Variants in MCM2 observed in about 807,000 individuals in gnomAD.
MCM2 encodes the protein DNA replication licensing factor MCM2.
A neutral mutation model predicts 86.4 loss-of-function variants in MCM2; 49 were observed. The observed-to-expected ratio is 0.57, with a 90% CI of 0.45 to 0.72. MCM2 has a LOEUF of 0.72. Ranked by LOEUF, MCM2 falls within the 30% of genes least tolerant of loss-of-function variation. MCM2 has a pLI of 0.00. For missense variants in MCM2, 1,038 were observed against 1,259.9 expected, an observed-to-expected ratio of 0.82 and a Z score of 2.67; for synonymous variants, 475 against 484.6, an observed-to-expected ratio of 0.98 and a Z score of 0.26.
At chr3:127,598,493 C>T in intron 1 of MCM2, 21 bp downstream of exon 1, 1 of 1,611,708 alleles carries the variant, frequency 6.2e-7, no homozygotes, top group Non-Finnish European at 8.5e-7. Context: ...TGGCGCGTGG[C>T]GGGCGGGCGC....
chr3:127,599,619 CT>C, intron 2 of MCM2, 72 bp downstream of exon 2: 1 of 1,389,240 alleles, frequency 7.2e-7, no homozygotes, highest in Non-Finnish European at 9.8e-7. Context: ...GGTGGCCTGG[CT>C]TTGGGAGCTG....
intron 3 of MCM2, 26 bp downstream of exon 3, chr3:127,604,809 A>T: frequency 1.3e-6 from 2 of 1,573,568 alleles, no homozygotes; most frequent in Admixed American, 3.8e-5. Context: ...TGCCTGCCCG[A>T]GGGACTGGGA....
chr3:127,612,548 C>T (rs1559865042), intron 8 of MCM2, among the ~76,000 whole-genome samples: 3 of 152,334 alleles, frequency 2.0e-5, no homozygotes, highest in Non-Finnish European at 4.4e-5. Flanking sequence ...ACTATTTGTA[C>T]AAAAACTGGA....
chr3:127,613,867 C>T (rs1437103245), intron 8 of MCM2, among the ~76,000 whole-genome samples: 2 of 152,132 alleles, frequency 1.3e-5, no homozygotes, highest in African/African-American at 4.8e-5. Context: ...CTGGTGAGGG[C>T]CTTCTTGCCA....
In MCM2 at chr3:127,619,030, G is replaced by T; in HGVS notation, c.2017G>T (p.Glu673Ter). The T allele has an allele frequency of 6.3e-7, 1 of 1,595,146 alleles. No homozygotes were observed. The highest frequency in any genetic ancestry group is 2.3e-5 in the East Asian group (1 of 44,290). The change falls in exon 13 of 16, where the codon GAG (glutamate) becomes TAG (stop). Residue 673 changes from glutamate to a stop codon, truncating the protein, a stop_gained. Transcript: ENST00000265056. LOFTEE classifies it high-confidence loss of function. ...VRDTVDPVQDEMLARFVVGSH... is the reference protein window; with the variant it reads ...VRDTVDPVQD ...ACCCTCTCATGGCTTATCTTAGGAC[G>T]AGATGCTGGCCCGCTTCGTGGTGGG...
chr3:127,603,110 C>T (rs1433281931), intron 2 of MCM2, among the ~76,000 whole-genome samples: 1 of 151,230 alleles, frequency 6.6e-6, no homozygotes, highest in East Asian at 1.9e-4. Context: ...AAGTGATTCT[C>T]CTGCCTCAGC....
In MCM2 at chr3:127,618,218, GTCTCT is replaced by G. The variant is rs17538691; in HGVS notation, c.2013+142_2013+146del. ...GCTGTTTTCTAGTCCTGTTCCCTCGGTCTCTTCTCATGTCCAGAAGTCGCCCTGAT... is the reference window on the plus strand; with the variant it reads ...GCTGTTTTCTAGTCCTGTTCCCTCGGTCTCATGTCCAGAAGTCGCCCTGAT... On this transcript the variant is annotated intron_variant, in intron 12 of 15. Coordinates refer to ENST00000265056, the MANE Select transcript of MCM2 (RefSeq NM_004526.4). The surrounding 1 kb of genome is among the most constrained non-coding windows in gnomAD (Gnocchi z 4.0). 18,778 of 688,380 alleles carry G rather than the reference GTCTCT, an allele frequency of 0.027. 427 individuals are homozygous for G. Among genetic ancestry groups the G allele is most frequent in the Non-Finnish European group, 0.032 (12,114 of 383,980 alleles). 42.6% of individuals were successfully genotyped at this position (688,380 alleles called of 1,614,324 possible).
At position 127,608,907 on chromosome 3, in the gene MCM2, G is replaced by A. The variant is rs796922472; in HGVS notation, c.1312G>A (p.Val438Ile). Residue 438 changes from valine to isoleucine, a missense_variant, in exon 8 of 16, where the codon GTC (valine) becomes ATC (isoleucine). By Grantham distance (29) the Val-to-Ile change is conservative. Transcript: ENST00000265056. ...CAATGGCTTCCCTGTCTTTGCCACT[G>A]TCATCCTAGCCAACCACGTGGCCAA... Reference protein sequence around the residue: ...TANGFPVFATVILANHVAKKD... With the variant: ...TANGFPVFATIILANHVAKKD... 2.5e-6 allele frequency: 4 copies of A among 1,614,196 alleles called. No homozygotes were observed. Among genetic ancestry groups the A allele is most frequent in the Middle Eastern group, 1.6e-4 (1 of 6,062 alleles).
intron 1 of MCM2, 25 bp downstream of exon 1, chr3:127,598,497 C>T: frequency 6.2e-7 from 1 of 1,611,278 alleles, no homozygotes; most frequent in Non-Finnish European, 8.5e-7. Context: ...GCGTGGCGGG[C>T]GGGCGCCGGG....
rs781532824 is a variant in MCM2, at chr3:127,620,678, G to A, written c.2266-20G>A. The A allele has an allele frequency of 6.4e-7, 1 of 1,568,614 alleles. No individual in the cohort carries two copies. On this transcript the variant is annotated intron_variant, in intron 13 of 15. Coordinates refer to ENST00000265056, the MANE Select transcript of MCM2 (RefSeq NM_004526.4). ...TCTCTTTCCTGCCCGTGAAAGACCT[G>A]ACACTGTGCTTCTCTCCAGGCGACA...
chr3:127,606,745 G>C lies in MCM2; in HGVS notation c.1029G>C (p.Gln343His). 6.2e-7 allele frequency: 1 copy of C among 1,614,240 alleles called. No homozygotes were observed. The highest frequency in any genetic ancestry group is 8.5e-7 in the Non-Finnish European group (1 of 1,180,046). ...TCCTGGGTCCTTTCTGCCAGTCCCAGAACCAGGAGGTGAAACCAGGCTCCT... is the reference window on the plus strand; with the variant it reads ...TCCTGGGTCCTTTCTGCCAGTCCCACAACCAGGAGGTGAAACCAGGCTCCT... ...NFVLGPFCQS[Q>H]NQEVKPGSCP... Residue 343 changes from glutamine (Q) to histidine (H), a missense_variant, in exon 6 of 16, where the codon CAG becomes CAC. By Grantham distance (24) the Gln-to-His change is conservative. Around this residue, in one of 4 missense-constraint regions of MCM2, gnomAD observed 399 missense variants for 507.2 expected, o/e 0.79. Coordinates refer to ENST00000265056, the MANE Select transcript of MCM2 (RefSeq NM_004526.4). The surrounding 1 kb of genome is among the most constrained non-coding windows in gnomAD (Gnocchi z 4.2).
rs772077807 is a variant in MCM2 at position 127,606,017 on chromosome 3, A to G, written c.674-101A>G. ...AGCTGGGCTTTCTAGGTCAAAATCA[A>G]TGGTCGGGGTGGGTAGGCCTTGCTT... On this transcript the variant is annotated intron_variant, in intron 4 of 15. Coordinates refer to ENST00000265056, the MANE Select transcript of MCM2 (RefSeq NM_004526.4). The surrounding 1 kb of genome is among the most constrained non-coding windows in gnomAD (Gnocchi z 4.2). 7.2e-6 allele frequency: 6 copies of G among 830,530 alleles called. No homozygotes were observed. The highest frequency in any genetic ancestry group is 2.6e-5 in the East Asian group (1 of 37,862). The allele number at this position is 830,530 out of a possible 1,614,324, so 51.4% of individuals were successfully genotyped here. A position where few individuals can be genotyped will look rare whatever the true frequency, so the allele number is the denominator to read the frequency against.
At chr3:127,616,452 T>C (rs2074432699) in intron 9 of MCM2, among the ~76,000 whole-genome samples, 1 of 152,206 alleles carries the variant, frequency 6.6e-6, no homozygotes, top group Non-Finnish European at 1.5e-5. Flanking sequence ...GCGTCCCCTG[T>C]GTGTGCCCAG....
rs182603137 is a variant in MCM2 at position 127,608,988 on chromosome 3, A to G, written c.1393A>G (p.Thr465Ala). Residue 465 changes from threonine (T) to alanine (A), a missense_variant, in exon 8 of 16, where the codon ACT becomes GCT. Transcript: ENST00000265056. ...GACCGATGAAGATGTGAAGATGATC[A>G]CTAGCCTCTCCAAGGATCAGCAGAT... ...ELTDEDVKMI[T>A]SLSKDQQIGE... 9.9e-6 allele frequency: 16 copies of G among 1,614,212 alleles called. No homozygotes were observed. In the Admixed American group the frequency reaches 2.0e-4, roughly 20 times the overall value.
chr3:127,601,491 G>A (rs921315782), intron 2 of MCM2, among the ~76,000 whole-genome samples: 1 of 152,154 alleles, frequency 6.6e-6, no homozygotes, highest in Non-Finnish European at 1.5e-5. Flanking sequence ...CTCCCAAGTA[G>A]CTGGGATCAC....
chr3:127,602,964 A>G (rs1559860859), intron 2 of MCM2, among the ~76,000 whole-genome samples: 2 of 150,866 alleles, frequency 1.3e-5, no homozygotes, highest in South Asian at 2.1e-4. Flanking sequence ...CTGGAGATCT[A>G]CCTCCCCTTT....
In MCM2 at chr3:127,621,233, G is replaced by A; in HGVS notation, c.2604+5G>A. ...GAGAAGGACTTGGTGGATAAGGTAT[G>A]GGCCCGGAAGGGAGGTGAGGGTTGG... On this transcript the variant is annotated splice_donor_5th_base_variant and intron_variant, in intron 15 of 15. Transcript: ENST00000265056. 2 of 1,613,832 alleles carry A rather than the reference G, an allele frequency of 1.2e-6. No individual in the cohort carries two copies. The highest frequency in any genetic ancestry group is 4.5e-5 in the East Asian group (2 of 44,882).
At position 127,605,156 on chromosome 3, in the gene MCM2, G is replaced by T. The variant is rs1317653959; in HGVS notation, c.673G>T (p.Glu225Ter). The change falls in exon 4 of 16, where the codon GAG (glutamate) becomes TAG (stop). Residue 225 changes from glutamate to a stop codon, truncating the protein, a stop_gained and splice_region_variant. Coordinates refer to ENST00000265056, the MANE Select transcript of MCM2 (RefSeq NM_004526.4). LOFTEE classifies it high-confidence loss of function. ...GGAGCGCATCAGCGACATGTGCAAA[G>T]GTGTGGCTTCCCTACGCCCCCGCCT... is the stretch of plus-strand genomic sequence containing the variant. ...FKERISDMCKENRESLVVNYE... is the reference protein window; with the variant it reads ...FKERISDMCK The T allele has an allele frequency of 6.2e-7, 1 of 1,611,494 alleles. No homozygotes were observed. The highest frequency in any genetic ancestry group is 1.7e-5 in the Admixed American group (1 of 60,010).
Position 127,621,886 on chromosome 3 carries a change from C to T in MCM2, c.*113C>T. 3 of 696,760 alleles carry T rather than the reference C, an allele frequency of 4.3e-6. No homozygotes were observed. The highest frequency in any genetic ancestry group is 7.3e-6 in the Non-Finnish European group (3 of 412,028). 43.2% of individuals were successfully genotyped at this position (696,760 alleles called of 1,614,324 possible). A position where few individuals can be genotyped will look rare whatever the true frequency, so the allele number is the denominator to read the frequency against. On this transcript the variant is annotated 3_prime_UTR_variant, in exon 16 of 16. Transcript: ENST00000265056. Reference sequence around the variant, plus strand: ...CTTGATGAACTCGGGGTACTAGGGTCAGGGCTTATAGCAGGATGTCTGGCT... The same window carrying T: ...CTTGATGAACTCGGGGTACTAGGGTTAGGGCTTATAGCAGGATGTCTGGCT...
Sources: allele counts gnomAD v4.1 joint callset (sites outside exome capture counted in the v4.1 genomes callset), GRCh38; gene constraint gnomAD v4.1.1; regional missense constraint gnomAD v4.1.1; non-coding constraint Gnocchi (gnomAD v3.1); transcripts MANE v1.5; gene names NCBI Gene and HGNC (gene_info 2026-07-23, HGNC 2026-07-21).